The following RANBP17 variants were observed in gnomAD, a reference collection of about 807,000 sequenced individuals.
RANBP17 encodes the protein ran-binding protein 17.
In RANBP17, 158 loss-of-function variants were observed where a neutral mutation model predicts 141.2. The ratio of observed to expected loss-of-function variants is 1.12; its 90% CI spans 0.98 to 1.28. The LOEUF (loss-of-function observed/expected upper bound fraction) is 1.28. RANBP17 is among the 50% of genes most tolerant of loss of function. The pLI is 0.00. For synonymous variants in RANBP17, 430 were observed against 450.0 expected, an observed-to-expected ratio of 0.96 and a Z score of 0.56; for missense variants, 1,438 against 1,290.7, an observed-to-expected ratio of 1.11 and a Z score of -1.75.
At chr5:170,862,682 A>G (rs956845408) in intron 1 of RANBP17, among the ~76,000 whole-genome samples, 18 of 151,568 alleles carry the variant, frequency 1.2e-4, no homozygotes, top group African/African-American at 3.9e-4. Flanking sequence ...GCGGGCGCGG[A>G]CGCGAGGATC....
chr5:171,253,004 A>G (rs1383427493), intron 24 of RANBP17: 14 of 1,184,292 alleles, frequency 1.2e-5, no homozygotes, highest in African/African-American at 1.5e-5. Flanking sequence ...ACCGTGATGA[A>G]GAGATACTTT....
At chr5:170,979,079 C>G (rs1285237868) in intron 14 of RANBP17, among the ~76,000 whole-genome samples, 4 of 152,096 alleles carry the variant, frequency 2.6e-5, no homozygotes, top group Non-Finnish European at 5.9e-5. Flanking sequence ...AAATGACATT[C>G]CTATGTCAAA....
chr5:171,089,733 C>A (rs187089725), intron 14 of RANBP17, among the ~76,000 whole-genome samples: 1 of 152,154 alleles, frequency 6.6e-6, no homozygotes, highest in Non-Finnish European at 1.5e-5. Context: ...CAGGTGCGTT[C>A]GTCACCCCTT....
intron 20 of RANBP17, chr5:171,206,994 CT>C (rs1189197544): frequency 2.3e-5 from 4 of 175,160 alleles, no homozygotes; most frequent in African/African-American, 4.7e-5. Flanking sequence ...TTATTTCTGC[CT>C]TTTTTTTAAT....
chr5:171,277,367 C>G (rs2128032715), intron 25 of RANBP17, among the ~76,000 whole-genome samples: 1 of 151,744 alleles, frequency 6.6e-6, no homozygotes, highest in Non-Finnish European at 1.5e-5. Context: ...GCTACCTTGG[C>G]CAGAAAATAA....
intron 19 of RANBP17, among the ~76,000 whole-genome samples, chr5:171,202,656 C>T (rs1005574898): frequency 1.4e-4 from 22 of 152,102 alleles, no homozygotes; most frequent in African/African-American, 3.4e-4. Flanking sequence ...GCAATAAAGG[C>T]AGATGAAAAC....
rs545433962 is a variant in RANBP17, at chr5:171,063,828, TC to T, written c.1710+95454del. On this transcript the variant is annotated intron_variant, in intron 14 of 27. Coordinates refer to ENST00000523189, the MANE Select transcript of RANBP17 (RefSeq NM_022897.5). ...TGGTGGGCTCCACCCAGTTCGAGCT[TC>T]CCGGCTGCTTTGTTTACCTAGCGAG... Among the ~76,000 whole-genome samples the T allele has an allele frequency of 4.8e-3, 728 of 152,332 alleles. 9 individuals carry two copies. Among genetic ancestry groups the T allele is most frequent in the African/African-American group, 0.013 (532 of 41,586 alleles).
At chr5:171,099,370 G>C (rs1427840646) in intron 14 of RANBP17, among the ~76,000 whole-genome samples, 1 of 152,008 alleles carries the variant, frequency 6.6e-6, no homozygotes, top group Non-Finnish European at 1.5e-5. Flanking sequence ...TATTCTCTTT[G>C]GAGCAATTGT....
intron 14 of RANBP17, among the ~76,000 whole-genome samples, chr5:171,114,547 A>G (rs1158660214): frequency 6.6e-6 from 1 of 151,696 alleles, no homozygotes; most frequent in African/African-American, 2.4e-5. Flanking sequence ...TATCACTGGT[A>G]TGACAACTGG....
intron 22 of RANBP17, among the ~76,000 whole-genome samples, chr5:171,239,232 A>G (rs1394104654): frequency 5.9e-5 from 9 of 152,180 alleles, no homozygotes; most frequent in African/African-American, 1.4e-4. Flanking sequence ...TTATAAGCAA[A>G]GTTATATGGA....
chr5:171,236,008 T>C (rs1416166446), intron 22 of RANBP17, among the ~76,000 whole-genome samples: 3 of 152,228 alleles, frequency 2.0e-5, no homozygotes, highest in Admixed American at 2.0e-4. Context: ...TGCATTGTGT[T>C]ATCTTTTTTA....
chr5:171,264,849 C>T (rs540351044), intron 24 of RANBP17, among the ~76,000 whole-genome samples: 176 of 152,312 alleles, frequency 1.2e-3, no homozygotes, highest in Middle Eastern at 3.4e-3. Context: ...GTGCTAATCC[C>T]TCTACCTGAA....
chr5:171,088,179 G>A (rs983761096), intron 14 of RANBP17, among the ~76,000 whole-genome samples: 30 of 151,956 alleles, frequency 2.0e-4, no homozygotes, highest in African/African-American at 7.0e-4. Context: ...AAATCGGTCA[G>A]CATTTGCTTG....
intron 14 of RANBP17, among the ~76,000 whole-genome samples, chr5:170,999,575 T>G (rs944961157): frequency 5.9e-5 from 9 of 152,212 alleles, no homozygotes; most frequent in Non-Finnish European, 1.3e-4. Flanking sequence ...AAATGAATGC[T>G]ATATACATTT....
chr5:170,911,791 T>C (rs1399867915), intron 7 of RANBP17, among the ~76,000 whole-genome samples: 2 of 151,916 alleles, frequency 1.3e-5, no homozygotes, highest in Non-Finnish European at 2.9e-5. Context: ...TGCAACTTGC[T>C]TATAGAAAGG....
chr5:171,172,672 G>A (rs757084772), intron 16 of RANBP17, among the ~76,000 whole-genome samples: 11 of 151,674 alleles, frequency 7.3e-5, no homozygotes, highest in Non-Finnish European at 1.6e-4. Context: ...CTGCAAAGAA[G>A]CCTCAGTTAT....
intron 14 of RANBP17, chr5:170,968,770 G>A (rs1443639321): frequency 2.2e-6 from 1 of 453,322 alleles, no homozygotes; most frequent in East Asian, 6.9e-5. Context: ...CTTGGCATTT[G>A]TACATGATTA....
chr5:170,918,678 T>G, intron 9 of RANBP17, 35 bp from the exon 10 acceptor site: 1 of 1,564,634 alleles, frequency 6.4e-7, no homozygotes, highest in Admixed American at 1.9e-5. Context: ...TAGGTTGGCT[T>G]GTTTTTAAGC....
chr5:171,051,760 G>T (rs945592145), intron 14 of RANBP17, among the ~76,000 whole-genome samples: 4 of 152,110 alleles, frequency 2.6e-5, no homozygotes, highest in African/African-American at 9.7e-5. Context: ...ATACATAAAA[G>T]TAGAGTTGCT....
Sources: gnomAD v4.1 joint callset for allele counts (sites outside exome capture counted in the v4.1 genomes callset) on GRCh38, gnomAD v4.1.1 for gene constraint, MANE v1.5 for transcripts, NCBI Gene and HGNC (gene_info 2026-07-23, HGNC 2026-07-21) for gene names.